Variants in MYBPC3 observed in about 807,000 individuals in gnomAD.
MYBPC3 encodes the protein myosin-binding protein C, cardiac-type.
MYBPC3 carries 108 observed loss-of-function variants against 159.3 expected under a neutral mutation model. The ratio of observed to expected loss-of-function variants is 0.68; its 90% CI spans 0.58 to 0.80. MYBPC3 has a LOEUF of 0.80. Ranked by LOEUF, MYBPC3 falls within the 30% of genes least tolerant of loss-of-function variation. MYBPC3 has a pLI of 0.00. For synonymous variants in MYBPC3, 730 were observed against 702.0 expected, an observed-to-expected ratio of 1.04 and a Z score of -0.63; for missense variants, 1,631 against 1,762.1, an observed-to-expected ratio of 0.93 and a Z score of 1.33.
Position 47,346,565 on chromosome 11 carries a change from T to A in MYBPC3, c.926+62A>T, listed in dbSNP as rs2142864584. On this transcript the variant is annotated intron_variant, in intron 11 of 34. Transcript: ENST00000545968. The surrounding 1 kb of genome is among the most constrained non-coding windows in gnomAD (Gnocchi z 5.3). ...AAGGGAGCTGAAGAGGGGCTGGGGA[T>A]CTGGAGGGGCTCCTGGCAGAATTAG... 1 of 1,532,894 alleles carries A rather than the reference T, an allele frequency of 6.5e-7. No individual in the cohort carries two copies. Among genetic ancestry groups the A allele is most frequent in the East Asian group, 2.3e-5 (1 of 43,738 alleles). 95.0% of individuals were successfully genotyped at this position (1,532,894 alleles called of 1,614,324 possible). A position where few individuals can be genotyped will look rare whatever the true frequency, so the allele number is the denominator to read the frequency against.
Position 47,332,378 on chromosome 11 carries a change from C to T in MYBPC3, c.3628-120G>A, listed in dbSNP as rs2095878045. The T allele has an allele frequency of 3.5e-6, 5 of 1,431,634 alleles. No homozygotes were observed. Among genetic ancestry groups the T allele is most frequent in the Non-Finnish European group, 3.9e-6 (4 of 1,036,832 alleles). The allele number at this position is 1,431,634 out of a possible 1,614,324, so 88.7% of individuals were successfully genotyped here. On this transcript the variant is annotated intron_variant, in intron 32 of 34. Transcript: ENST00000545968. The surrounding 1 kb of genome is among the most constrained non-coding windows in gnomAD (Gnocchi z 4.2). ...GGTCCCACGAGAGTCCCTGACTATG[C>T]CCAAGGCTGGAAACAAACATGGAAC...
Position 47,339,381 on chromosome 11 carries a change from T to C in MYBPC3, c.2091A>G (p.Pro697=). The change falls in exon 22 of 35, where the codon CCA becomes CCG. Residue 697 remains proline, a synonymous_variant. Coordinates refer to ENST00000545968, the MANE Select transcript of MYBPC3 (RefSeq NM_000256.3). ...CTGTGTCCTCTGGGGCATCTGGGGC[T>C]GGCCTGGCTGGGGCCTTATTCCCCT... ...ITQGNKAPAR[P]APDAPEDTGD... is the part of the protein sequence containing the mutation. The C allele has an allele frequency of 1.9e-6, 3 of 1,614,030 alleles. No homozygotes were observed. Among genetic ancestry groups the C allele is most frequent in the Non-Finnish European group, 2.5e-6 (3 of 1,179,882 alleles).
intron 26 of MYBPC3, chr11:47,335,675 A>G: frequency 2.1e-6 from 1 of 483,184 alleles, no homozygotes; most frequent in Non-Finnish European, 3.6e-6. Flanking sequence ...TGCTCAAAGA[A>G]GTGTTACAGT....
rs995224677 is a variant in MYBPC3, at chr11:47,346,964, G to A, written c.908+63C>T. ...CACCACAGCCTCTCAGAGAGGGGAC[G>A]GGAATCCCCTCTGCACCCACCAGCG... On this transcript the variant is annotated intron_variant, in intron 10 of 34. Coordinates refer to ENST00000545968, the MANE Select transcript of MYBPC3 (RefSeq NM_000256.3). The surrounding 1 kb of genome is among the most constrained non-coding windows in gnomAD (Gnocchi z 5.3). 6.9e-5 allele frequency: 53 copies of A among 768,320 alleles called. No homozygotes were observed. The highest frequency in any genetic ancestry group is 3.7e-4 in the African/African-American group (22 of 59,102). 47.6% of individuals were successfully genotyped at this position (768,320 alleles called of 1,614,324 possible). A position where few individuals can be genotyped will look rare whatever the true frequency, so the allele number is the denominator to read the frequency against.
chr11:47,346,769 CCT>C lies in MYBPC3; in HGVS notation c.909-127_909-126del. 9.2e-7 allele frequency: 1 copy of C among 1,089,012 alleles called. No homozygotes were observed. The highest frequency in any genetic ancestry group is 1.3e-6 in the Non-Finnish European group (1 of 757,854). The allele number at this position is 1,089,012 out of a possible 1,614,324, so 67.5% of individuals were successfully genotyped here. On this transcript the variant is annotated intron_variant, in intron 10 of 34. Coordinates refer to ENST00000545968, the MANE Select transcript of MYBPC3 (RefSeq NM_000256.3). The surrounding 1 kb of genome is among the most constrained non-coding windows in gnomAD (Gnocchi z 5.3). ...CTCCCTATTTTCCGCACTTGCACTC[CCT>C]GTGTTGTGGGGCACCCATGCTGCTC... is the stretch of plus-strand genomic sequence containing the variant.
In MYBPC3 at chr11:47,332,821, G is replaced by T; in HGVS notation, c.3483C>A (p.Pro1161=). The T allele has an allele frequency of 6.2e-7, 1 of 1,606,044 alleles. No homozygotes were observed. The highest frequency in any genetic ancestry group is 2.2e-5 in the East Asian group (1 of 44,628). Residue 1161 remains proline, a synonymous_variant, in exon 31 of 35, where the codon CCC becomes CCA. Coordinates refer to ENST00000545968, the MANE Select transcript of MYBPC3 (RefSeq NM_000256.3). The surrounding 1 kb of genome is among the most constrained non-coding windows in gnomAD (Gnocchi z 4.2). ...AATTKEPVFI[P]RPGITYEPPN... is the part of the protein sequence containing the mutation. ...AGAATGAGGGTACAGCACCTGGTCT[G>T]GGGATAAAGACGGGCTCCTTGGTGG...
Position 47,347,856 on chromosome 11 carries a change from C to T in MYBPC3, c.821+1G>A, listed in dbSNP as rs397516073. 8 of 1,564,892 alleles carry T rather than the reference C, an allele frequency of 5.1e-6. No homozygotes were observed. Among genetic ancestry groups the T allele is most frequent in the South Asian group, 2.4e-5 (2 of 84,768 alleles). ...CCCAGGCCCTGAGGATGGCCACTCA[C>T]GTGCGGCGGAAGGCTGATAGGAGGT... On this transcript the variant is annotated splice_donor_variant, in intron 7 of 34. Transcript: ENST00000545968. LOFTEE classifies it high-confidence loss of function.
chr11:47,337,760 G>C lies in MYBPC3; in HGVS notation c.2343C>G (p.Ser781Arg). ...CTGTGCAGGAGTCCTCTCCCACGTT[G>C]CTGATCTTGGGGGCCGCAGGTGCGT... Reference protein sequence around the residue: ...VPDAPAAPKISNVGEDSCTVQ... With the variant: ...VPDAPAAPKIRNVGEDSCTVQ... The change falls in exon 24 of 35, where the codon AGC (serine) becomes AGG (arginine). Residue 781 changes from serine to arginine, a missense_variant. Coordinates refer to ENST00000545968, the MANE Select transcript of MYBPC3 (RefSeq NM_000256.3). The C allele has an allele frequency of 6.4e-7, 1 of 1,554,756 alleles. No homozygotes were observed. Among genetic ancestry groups the C allele is most frequent in the Non-Finnish European group, 8.7e-7 (1 of 1,149,024 alleles).
intron 29 of MYBPC3, 101 bp downstream of exon 29, chr11:47,333,456 A>T: frequency 6.5e-7 from 1 of 1,533,870 alleles, no homozygotes. Context: ...TGGACTGGAA[A>T]ATGTGAGCTG....
intron 17 of MYBPC3, 112 bp downstream of exon 17, chr11:47,342,466 A>G: frequency 7.6e-7 from 1 of 1,322,886 alleles, no homozygotes; most frequent in Middle Eastern, 2.7e-4. Flanking sequence ...CAAAGGCCCA[A>G]GGTCACAGAG....
chr11:47,333,148 C>T (rs750956472), intron 30 of MYBPC3, 46 bp downstream of exon 30: 10 of 1,573,944 alleles, frequency 6.4e-6, no homozygotes, highest in Admixed American at 3.6e-5. Flanking sequence ...CTGGGTCTGC[C>T]GGGCCTAGGC....
Position 47,342,882 on chromosome 11 carries a change from G to C in MYBPC3, c.1405C>G (p.Gln469Glu), listed in dbSNP as rs730880539. Reference protein sequence around the residue: ...PLEDQLVMVGQRVEFECEVSE... With the variant: ...PLEDQLVMVGERVEFECEVSE... ...ACTTCACACTCAAACTCCACCCGCT[G>C]CCCCACCATCACCAGCTGGTCCTCC... The change falls in exon 16 of 35, where the codon CAG (glutamine) becomes GAG (glutamate). Residue 469 changes from glutamine (Q) to glutamate (E), a missense_variant. Coordinates refer to ENST00000545968, the MANE Select transcript of MYBPC3 (RefSeq NM_000256.3). The C allele has an allele frequency of 5.0e-6, 8 of 1,612,926 alleles. No homozygotes were observed. Among genetic ancestry groups the C allele is most frequent in the Non-Finnish European group, 6.8e-6 (8 of 1,179,438 alleles).
chr11:47,351,000 T>C (rs1393187540), intron 2 of MYBPC3, among the ~76,000 whole-genome samples: 1 of 151,638 alleles, frequency 6.6e-6, no homozygotes, highest in Admixed American at 6.6e-5. Flanking sequence ...GAGAGTGGGG[T>C]TGTGTCTTGT....
In MYBPC3 at chr11:47,347,776, A is replaced by G; in HGVS notation, c.821+81T>C. 5.2e-6 allele frequency: 8 copies of G among 1,546,422 alleles called. No homozygotes were observed. The South Asian group carries it at 8.3e-5, about 16-fold the overall frequency. The stretch of plus-strand genomic sequence containing the variant: ...CAGCTCCGCCCCGCAAATCATCCCC[A>G]GCCCTGACCCCCAGTCGAGACCCTG... On this transcript the variant is annotated intron_variant, in intron 7 of 34. Transcript: ENST00000545968.
At chr11:47,337,651 T>G (rs2095883851) in intron 24 of MYBPC3, 39 bp downstream of exon 24, 1 of 1,606,878 alleles carries the variant, frequency 6.2e-7, no homozygotes, top group South Asian at 1.1e-5. Context: ...CGGATCTGTT[T>G]GGCGCCCTCA....
intron 16 of MYBPC3, 30 bp downstream of exon 16, chr11:47,342,800 A>G: frequency 1.2e-6 from 2 of 1,612,292 alleles, no homozygotes; most frequent in Non-Finnish European, 1.7e-6. Flanking sequence ...GATGCCCCCA[A>G]CACCCATGCC....
chr11:47,333,648 C>G lies in MYBPC3; in HGVS notation c.3099G>C (p.Arg1033=). ...TGCCTGAATGCACGCGGCGAGCGGC[C>G]CGGATGAACAGGATGGTGTCTGTGG... is the stretch of plus-strand genomic sequence containing the variant. ...NSPTDTILFI[R]AARRVHSGTY... Residue 1033 remains arginine (R), a synonymous_variant, in exon 29 of 35, where the codon CGG becomes CGC. Transcript: ENST00000545968. The G allele has an allele frequency of 1.2e-6, 2 of 1,609,784 alleles. No homozygotes were observed. The highest frequency in any genetic ancestry group is 2.7e-5 in the African/African-American group (2 of 75,072).
chr11:47,336,489 C>CAAAAAAAAAAAAAA (rs34527074), intron 25 of MYBPC3: 1 of 67,640 alleles, frequency 1.5e-5, no homozygotes, highest in African/African-American at 6.3e-5. Flanking sequence ...GACTCCATCT[C>CAAAAAAAAAAAAAA]AAAAAAAAAA....
chr11:47,339,379 G>A lies in MYBPC3; in HGVS notation c.2093C>T (p.Ala698Val). 6.2e-7 allele frequency: 1 copy of A among 1,614,026 alleles called. No individual in the cohort carries two copies. The highest frequency in any genetic ancestry group is 8.5e-7 in the Non-Finnish European group (1 of 1,179,884). ...ACCTGTGTCCTCTGGGGCATCTGGG[G>A]CTGGCCTGGCTGGGGCCTTATTCCC... ...TQGNKAPARP[A>V]PDAPEDTGDS... Residue 698 changes from alanine to valine, a missense_variant, in exon 22 of 35, where the codon GCC (alanine) becomes GTC (valine). Ala to Val is a moderately conservative substitution (Grantham distance 64, BLOSUM62 0). Transcript: ENST00000545968.
Sources: gnomAD v4.1 joint callset for allele counts (sites outside exome capture counted in the v4.1 genomes callset) on GRCh38, gnomAD v4.1.1 for gene constraint, Gnocchi (gnomAD v3.1) non-coding constraint, MANE v1.5 for transcripts, NCBI Gene and HGNC (gene_info 2026-07-23, HGNC 2026-07-21) for gene names.